Variants in EXTL3 observed in about 807,000 individuals in gnomAD.
The protein encoded by EXTL3 is exostosin-like 3.
A neutral mutation model predicts 69.3 loss-of-function variants in EXTL3; 27 were observed. The ratio of observed to expected loss-of-function variants is 0.39; its 90% CI spans 0.29 to 0.54. EXTL3 has a LOEUF of 0.54. Ranked by LOEUF, EXTL3 falls within the 20% of genes least tolerant of loss-of-function variation. EXTL3 has a pLI of 0.69. For missense variants in EXTL3, 1,003 were observed against 1,231.8 expected (o/e 0.81, Z 2.78); for synonymous variants, 511 against 499.4 (o/e 1.02, Z -0.31).
At chr8:28,720,641 A>G (rs1801274787) in intron 3 of EXTL3, among the ~76,000 whole-genome samples, 1 of 152,208 alleles carries the variant, frequency 6.6e-6, no homozygotes, top group African/African-American at 2.4e-5. Flanking sequence ...TGCTCTGTGT[A>G]AAGAGAACTT....
intron 1 of EXTL3, among the ~76,000 whole-genome samples, chr8:28,679,793 T>C (rs1324569525): frequency 6.6e-6 from 1 of 151,768 alleles, no homozygotes; most frequent in Non-Finnish European, 1.5e-5. Flanking sequence ...AGCATATTAG[T>C]ACTCTAATAA....
chr8:28,653,024 T>G (rs968729928), intron 1 of EXTL3, among the ~76,000 whole-genome samples: 1 of 152,178 alleles, frequency 6.6e-6, no homozygotes, highest in African/African-American at 2.4e-5. Context: ...TGACATATCA[T>G]TAGCACCCAG....
intron 1 of EXTL3, among the ~76,000 whole-genome samples, chr8:28,654,457 C>T (rs76866050): frequency 0.015 from 2,211 of 152,044 alleles, 68 homozygotes; most frequent in African/African-American, 0.05. Flanking sequence ...TAGCTCACTG[C>T]GGCCTCAACC....
intron 2 of EXTL3, among the ~76,000 whole-genome samples, chr8:28,615,572 T>C (rs1157021670): frequency 1.3e-5 from 2 of 152,150 alleles, no homozygotes; most frequent in Admixed American, 6.6e-5. Context: ...TCCAGTTTTC[T>C]TTTTTCTTTT....
chr8:28,714,032 G>C (rs1221674942), intron 2 of EXTL3, among the ~76,000 whole-genome samples: 4 of 150,192 alleles, frequency 2.7e-5, no homozygotes, highest in Admixed American at 2.0e-4. Context: ...TCAGCCTCCT[G>C]AGTAGCTGGG....
intron 1 of EXTL3, among the ~76,000 whole-genome samples, chr8:28,650,422 A>G (rs1806900567): frequency 6.6e-6 from 1 of 151,834 alleles, no homozygotes; most frequent in East Asian, 1.9e-4. Flanking sequence ...CAGTGGCGCG[A>G]TATCAGCTCA....
chr8:28,619,470 G>T (rs374323924), upstream of EXTL3, among the ~76,000 whole-genome samples: 18 of 151,758 alleles, frequency 1.2e-4, no homozygotes, highest in African/African-American at 4.4e-4. Flanking sequence ...CGGGTGTGTC[G>T]GGGCTACCTG....
rs1180937782 is a variant in EXTL3, at chr8:28,716,854, C to A, written c.795C>A (p.His265Gln). Residue 265 changes from histidine (H) to glutamine (Q), a missense_variant, in exon 3 of 7, where the codon CAC (histidine) becomes CAA (glutamine). By Grantham distance (24) the His-to-Gln change is conservative. Coordinates refer to ENST00000220562, the MANE Select transcript of EXTL3 (RefSeq NM_001440.4). The surrounding 1 kb of genome is among the most constrained non-coding windows in gnomAD (Gnocchi z 7.1). Reference sequence around the variant, plus strand: ...AGAAGCAGTTGTATTCCCTGCCACACTGGCGGACGGATGGACACAACCATG... The same window carrying A: ...AGAAGCAGTTGTATTCCCTGCCACAATGGCGGACGGATGGACACAACCATG... ...ELEKQLYSLPHWRTDGHNHVI... is the reference protein window; with the variant it reads ...ELEKQLYSLPQWRTDGHNHVI... 1.2e-6 allele frequency: 2 copies of A among 1,614,226 alleles called. No individual in the cohort carries two copies. The highest frequency in any genetic ancestry group is 1.3e-5 in the African/African-American group (1 of 75,060).
intron 1 of EXTL3, among the ~76,000 whole-genome samples, chr8:28,663,368 C>T (rs938936821): frequency 1.3e-5 from 2 of 152,158 alleles, no homozygotes; most frequent in Admixed American, 6.5e-5. Flanking sequence ...TGCAGAAAAG[C>T]GGGCCTGGAA....
intron 1 of EXTL3, among the ~76,000 whole-genome samples, chr8:28,638,556 C>T (rs1806691277): frequency 1.3e-5 from 2 of 152,136 alleles, no homozygotes; most frequent in South Asian, 4.2e-4. Context: ...AGACCCAGTC[C>T]TTTTACCCAG....
At chr8:28,724,673 G>A (rs546464589) in intron 3 of EXTL3, among the ~76,000 whole-genome samples, 1 of 151,992 alleles carries the variant, frequency 6.6e-6, no homozygotes, top group East Asian at 1.9e-4. Flanking sequence ...AGTGGCGGAC[G>A]CCTGTAATCC....
intron 6 of EXTL3, among the ~76,000 whole-genome samples, chr8:28,745,901 C>T (rs1801879025): frequency 6.6e-6 from 1 of 152,188 alleles, no homozygotes; most frequent in Admixed American, 6.6e-5. Flanking sequence ...GAATTTTCTT[C>T]ATCTTTCTGG....
intron 1 of EXTL3, chr8:28,678,191 G>A (rs1807419949): frequency 6.6e-6 from 1 of 152,406 alleles, no homozygotes; most frequent in Non-Finnish European, 1.5e-5. Flanking sequence ...GGCAGCCTGA[G>A]TGGTGAGTGT....
chr8:28,632,658 A>G (rs1229569869), intron 1 of EXTL3, among the ~76,000 whole-genome samples: 1 of 148,768 alleles, frequency 6.7e-6, no homozygotes, highest in African/African-American at 2.5e-5. Flanking sequence ...GGTTGAAGCG[A>G]TTCTCCTGCC....
chr8:28,667,909 C>T (rs1807221810), intron 1 of EXTL3, among the ~76,000 whole-genome samples: 1 of 151,370 alleles, frequency 6.6e-6, no homozygotes. Context: ...TGGTGGCTCA[C>T]ACCTGTCATC....
In EXTL3 at chr8:28,659,167, A is replaced by T. The variant is rs551106953; in HGVS notation, c.-53+36357A>T. 4.6e-5 allele frequency among the ~76,000 whole-genome samples: 7 copies of T among 152,232 alleles called. No individual in the cohort carries two copies. The South Asian group carries it at 6.2e-4, about 14-fold the overall frequency. On this transcript the variant is annotated intron_variant, in intron 1 of 6. Coordinates refer to the EXTL3 transcript ENST00000523149. The stretch of plus-strand genomic sequence containing the variant: ...GTGCCAATTTGTACTTCTACTGGGA[A>T]AGTATGCAATGCAGTCTTTGTTTCT...
intron 4 of EXTL3, 103 bp from the exon 5 acceptor site, chr8:28,737,416 G>C (rs2130783373): frequency 7.9e-7 from 1 of 1,269,722 alleles, no homozygotes; most frequent in Non-Finnish European, 1.1e-6. Flanking sequence ...AGAAGTAAAA[G>C]CCTAAGGGCC....
chr8:28,674,071 T>TTTTGTTTG lies in EXTL3; in HGVS notation c.-52-39370_-52-39363dup, dbSNP rs56245235. Among the ~76,000 whole-genome samples, 50 of 150,954 alleles carry TTTTGTTTG rather than the reference T, an allele frequency of 3.3e-4. No individual in the cohort carries two copies. The East Asian group carries it at 6.5e-3, about 20-fold the overall frequency. On this transcript the variant is annotated intron_variant, in intron 1 of 6. Coordinates refer to the EXTL3 transcript ENST00000523149. ...GCTCAGTAATGTTATATATGATACC[T>TTTTGTTTG]TTTGTTTGTTTGTTTGTTTGTTTTC...
At chr8:28,628,628 A>G (rs940490085) in intron 1 of EXTL3, among the ~76,000 whole-genome samples, 4 of 152,178 alleles carry the variant, frequency 2.6e-5, no homozygotes, top group African/African-American at 9.7e-5. Context: ...TCAGATTCCC[A>G]AGGCCTAGGA....
Sources: gnomAD v4.1 joint callset for allele counts (sites outside exome capture counted in the v4.1 genomes callset) on GRCh38, gnomAD v4.1.1 for gene constraint, Gnocchi (gnomAD v3.1) non-coding constraint, MANE v1.5 for transcripts, NCBI Gene and HGNC (gene_info 2026-07-23, HGNC 2026-07-21) for gene names.